CNTNAP2: variants seen among roughly 807,000 people sequenced by gnomAD.
The protein encoded by CNTNAP2 is contactin associated protein 2.
Under a neutral mutation model 155.2 loss-of-function variants are expected in CNTNAP2, and 98 were observed. That is an observed-to-expected ratio of 0.63 (90% CI 0.54 to 0.75). The LOEUF (loss-of-function observed/expected upper bound fraction) is 0.75. Ranked by LOEUF, CNTNAP2 falls within the 30% of genes least tolerant of loss-of-function variation. The pLI, the probability that CNTNAP2 is intolerant of heterozygous loss-of-function variation, is 0.00. For synonymous variants in CNTNAP2, 651 were observed against 631.2 expected, an observed-to-expected ratio of 1.03 and a Z score of -0.47; for missense variants, 1,727 against 1,688.1, an observed-to-expected ratio of 1.02 and a Z score of -0.40.
chr7:146,895,254 ACTTCCTTCCC>A (rs1460173179), intron 3 of CNTNAP2, among the ~76,000 whole-genome samples: 2 of 111,368 alleles, frequency 1.8e-5, no homozygotes, highest in Admixed American at 2.1e-4. Flanking sequence ...CCTTATTCTT[ACTTCCTTCCC>A]CTTCCTTCTT....
intron 1 of CNTNAP2, among the ~76,000 whole-genome samples, chr7:146,353,748 A>T (rs1016722272): frequency 1.3e-5 from 2 of 152,054 alleles, no homozygotes; most frequent in African/African-American, 4.8e-5. Context: ...CAGCACTGGG[A>T]TTTGCAACCT....
At chr7:147,410,933 A>C (rs1273388210) in intron 10 of CNTNAP2, among the ~76,000 whole-genome samples, 1 of 152,196 alleles carries the variant, frequency 6.6e-6, no homozygotes, top group African/African-American at 2.4e-5. Context: ...CTGTATTGCA[A>C]GAATGAGTGC....
At chr7:146,415,200 G>T (rs1347807267) in intron 1 of CNTNAP2, among the ~76,000 whole-genome samples, 1 of 151,694 alleles carries the variant, frequency 6.6e-6, no homozygotes, top group Admixed American at 6.6e-5. Flanking sequence ...TCTGCATCAG[G>T]GAGAAACACA....
chr7:146,534,010 G>T (rs183086888), intron 1 of CNTNAP2, among the ~76,000 whole-genome samples: 14 of 152,086 alleles, frequency 9.2e-5, no homozygotes, highest in African/African-American at 2.7e-4. Flanking sequence ...GGAAAATCAG[G>T]CCTAAAACAA....
intron 9 of CNTNAP2, among the ~76,000 whole-genome samples, chr7:147,327,021 T>A (rs1351384420): frequency 6.6e-6 from 1 of 152,156 alleles, no homozygotes; most frequent in Non-Finnish European, 1.5e-5. Context: ...AATGAGTACA[T>A]CTTAGAATCC....
At chr7:146,715,157 C>T (rs1801165047) in intron 1 of CNTNAP2, among the ~76,000 whole-genome samples, 1 of 151,992 alleles carries the variant, frequency 6.6e-6, no homozygotes, top group African/African-American at 2.4e-5. Flanking sequence ...ATGGTGAAAC[C>T]CCGTCTCTAC....
At chr7:146,993,211 G>A (rs1362543515) in intron 3 of CNTNAP2, among the ~76,000 whole-genome samples, 1 of 152,142 alleles carries the variant, frequency 6.6e-6, no homozygotes, top group South Asian at 2.1e-4. Context: ...TCTGACTTGG[G>A]GTTGGCATAT....
chr7:146,620,816 T>A (rs144026272), intron 1 of CNTNAP2, among the ~76,000 whole-genome samples: 1 of 152,182 alleles, frequency 6.6e-6, no homozygotes, highest in Non-Finnish European at 1.5e-5. Context: ...CTCCAAGTCC[T>A]TTCTGCTTTT....
intron 12 of CNTNAP2, among the ~76,000 whole-genome samples, chr7:147,569,117 A>G (rs1218621742): frequency 6.6e-6 from 1 of 152,256 alleles, no homozygotes; most frequent in Non-Finnish European, 1.5e-5. Flanking sequence ...ATAAAGCCCC[A>G]GGATTTAGCT....
rs529704181 is a variant in CNTNAP2 at position 147,800,235 on chromosome 7, C to A, written c.2099-103330C>A. Among the ~76,000 whole-genome samples, 71 of 152,234 alleles carry A rather than the reference C, an allele frequency of 4.7e-4. 1 individual carries two copies. The highest frequency in any genetic ancestry group is 9.0e-4 in the Non-Finnish European group (61 of 68,022). ...ATGCTGTGTGCTGGATAAAAATCTTCATCGTTGAGGGAAGATTTGATTTGG... is the reference window on the plus strand; with the variant it reads ...ATGCTGTGTGCTGGATAAAAATCTTAATCGTTGAGGGAAGATTTGATTTGG... On this transcript the variant is annotated intron_variant, in intron 13 of 23. Coordinates refer to ENST00000361727, the MANE Select transcript of CNTNAP2 (RefSeq NM_014141.6).
chr7:146,909,032 C>G (rs199715519), intron 3 of CNTNAP2, among the ~76,000 whole-genome samples: 1 of 151,330 alleles, frequency 6.6e-6, no homozygotes, highest in Admixed American at 6.6e-5. Context: ...CACCTCTACG[C>G]AAATAAACTA....
At chr7:147,644,945 A>G (rs928126795) in intron 13 of CNTNAP2, among the ~76,000 whole-genome samples, 3 of 152,006 alleles carry the variant, frequency 2.0e-5, no homozygotes, top group Admixed American at 1.3e-4. Flanking sequence ...TTTTCTGGCT[A>G]TATTTAGCCC....
chr7:147,893,210 T>G (rs977033187), intron 13 of CNTNAP2, among the ~76,000 whole-genome samples: 2 of 152,342 alleles, frequency 1.3e-5, no homozygotes, highest in African/African-American at 4.8e-5. Context: ...TCTATGAGAA[T>G]GCCAATACAT....
At chr7:146,861,395 A>T (rs1414846409) in intron 3 of CNTNAP2, among the ~76,000 whole-genome samples, 1 of 152,158 alleles carries the variant, frequency 6.6e-6, no homozygotes. Flanking sequence ...AAAAATTTAC[A>T]ATTACAATGA....
chr7:146,525,087 ATTG>A (rs1797668838), intron 1 of CNTNAP2, among the ~76,000 whole-genome samples: 1 of 151,924 alleles, frequency 6.6e-6, no homozygotes, highest in Non-Finnish European at 1.5e-5. Flanking sequence ...GATCACAGCT[ATTG>A]TTTTAGCTGA....
intron 2 of CNTNAP2, among the ~76,000 whole-genome samples, chr7:146,826,404 A>G (rs1332643794): frequency 5.3e-5 from 8 of 152,100 alleles, no homozygotes; most frequent in Non-Finnish European, 8.8e-5. Flanking sequence ...AATTCTTAAC[A>G]TTTCTACTTT....
chr7:147,670,179 C>T (rs146721940), intron 13 of CNTNAP2, among the ~76,000 whole-genome samples: 8 of 152,266 alleles, frequency 5.3e-5, no homozygotes, highest in Admixed American at 2.6e-4. Flanking sequence ...TCTGGATTTT[C>T]TGTTTTCTTC....
At chr7:147,133,591 G>A (rs1801419714) in intron 8 of CNTNAP2, among the ~76,000 whole-genome samples, 1 of 151,858 alleles carries the variant, frequency 6.6e-6, no homozygotes, top group Non-Finnish European at 1.5e-5. Context: ...TCTGTCTCTG[G>A]CATATAGAAT....
At chr7:147,957,634 T>C (rs1801040874) in intron 14 of CNTNAP2, among the ~76,000 whole-genome samples, 1 of 152,158 alleles carries the variant, frequency 6.6e-6, no homozygotes, top group East Asian at 1.9e-4. Context: ...ATGTATTCAG[T>C]TCCGGTTAAC....
Sources: allele counts gnomAD v4.1 joint callset (sites outside exome capture counted in the v4.1 genomes callset), GRCh38; gene constraint gnomAD v4.1.1; transcripts MANE v1.5; gene names NCBI Gene and HGNC (gene_info 2026-07-23, HGNC 2026-07-21).